Variants in DNAH5 observed in about 807,000 individuals in gnomAD.
DNAH5 encodes the protein axonemal beta dynein heavy chain 5.
Under a neutral mutation model 518.2 loss-of-function variants are expected in DNAH5, and 372 were observed. The observed-to-expected ratio is 0.72, with a 90% CI of 0.66 to 0.78. DNAH5 has a LOEUF of 0.78. Among genes scored for constraint, DNAH5 ranks in the 30% least tolerant of loss-of-function variants. The pLI, the probability that DNAH5 is intolerant of heterozygous loss-of-function variation, is 0.00. For synonymous variants in DNAH5, 2,039 were observed against 2,025.9 expected (o/e 1.01, Z -0.17); for missense variants, 5,523 against 5,687.0 (o/e 0.97, Z 0.93).
chr5:13,737,461 T>C lies in DNAH5; in HGVS notation c.11246A>G (p.Asp3749Gly), dbSNP rs34447134. 2 of 1,614,112 alleles carry C rather than the reference T, an allele frequency of 1.2e-6. No homozygotes were observed. Among genetic ancestry groups the C allele is most frequent in the Non-Finnish European group, 1.7e-6 (2 of 1,179,948 alleles). Residue 3749 changes from aspartate to glycine, a missense_variant, in exon 66 of 79, where the codon GAT becomes GGT. Coordinates refer to ENST00000265104, the MANE Select transcript of DNAH5 (RefSeq NM_001369.3). ...LEKERTHLME[D>G]VTANKRRMKE... The stretch of plus-strand genomic sequence containing the variant: ...CATCCTTCTTTTGTTTGCAGTTACA[T>C]CTTCCATCAGATGAGTTCTTTCTTT...
chr5:13,884,697 C>T (rs1206606456), intron 19 of DNAH5, among the ~76,000 whole-genome samples: 6 of 152,136 alleles, frequency 3.9e-5, no homozygotes, highest in Non-Finnish European at 5.9e-5. Flanking sequence ...ATTAGCCAGG[C>T]GTGGCGGCGT....
intron 78 of DNAH5, among the ~76,000 whole-genome samples, chr5:13,695,695 T>G (rs969461067): frequency 3.3e-5 from 5 of 152,172 alleles, no homozygotes; most frequent in Non-Finnish European, 7.3e-5. Context: ...GACAGAGTTG[T>G]TGTAAAGATT....
chr5:13,774,859 T>C (rs570108556), intron 55 of DNAH5, among the ~76,000 whole-genome samples: 2 of 152,306 alleles, frequency 1.3e-5, no homozygotes, highest in Admixed American at 6.5e-5. Flanking sequence ...GAGCTTCATA[T>C]GTAAATCATC....
At chr5:13,954,756 T>C (rs191330238) in intron 1 of DNAH5, among the ~76,000 whole-genome samples, 8 of 152,326 alleles carry the variant, frequency 5.3e-5, no homozygotes, top group Admixed American at 5.2e-4. Flanking sequence ...CCCATTAAAC[T>C]GCCCCAGCGT....
chr5:13,719,261 C>T (rs528632516), intron 71 of DNAH5, among the ~76,000 whole-genome samples, 160 bp from the exon 72 acceptor site: 5 of 152,072 alleles, frequency 3.3e-5, no homozygotes, highest in East Asian at 1.9e-4. Context: ...TGTTTAATTG[C>T]GATAAGCTAT....
rs35310788 is a variant in DNAH5, at chr5:13,922,727, CAA to C, written c.439-401_439-400del. Among the ~76,000 whole-genome samples, 248 of 94,394 alleles carry C rather than the reference CAA, an allele frequency of 2.6e-3. 2 individuals are homozygous for C. Among genetic ancestry groups the C allele is most frequent in the East Asian group, 5.8e-3 (19 of 3,270 alleles). 61.9% of individuals were successfully genotyped at this position (94,394 alleles called of 152,430 possible). ...TGGGTGACAGAGCAAGACCCTGTCTCAAAAAAAAAAAAAAAAAAAAATCAGTT... is the reference window on the plus strand; with the variant it reads ...TGGGTGACAGAGCAAGACCCTGTCTCAAAAAAAAAAAAAAAAAAATCAGTT... On this transcript the variant is annotated intron_variant, in intron 4 of 78. Transcript: ENST00000265104.
rs1409986624 is a variant in DNAH5, at chr5:13,810,105, T to TGGC, written c.7560_7562dup (p.Pro2521dup). 1 of 1,551,514 alleles carries TGGC rather than the reference T, an allele frequency of 6.4e-7. No individual in the cohort carries two copies. The highest frequency in any genetic ancestry group is 8.7e-7 in the Non-Finnish European group (1 of 1,147,888). ...CGAAGGCGGTGTCCCCGGGCCCCGC[T>TGGC]GGCGGCGGCAGCTCCAGCGTCCCTG... On this transcript the variant is annotated inframe_insertion, in exon 45 of 79. Transcript: ENST00000265104.
intron 1 of DNAH5, among the ~76,000 whole-genome samples, chr5:13,991,940 A>G (rs575624607): frequency 1.3e-5 from 2 of 152,224 alleles, no homozygotes; most frequent in Non-Finnish European, 2.9e-5. Context: ...ATCTCTAACA[A>G]GCATGAAGCA....
chr5:13,951,321 A>G (rs1030095621), intron 1 of DNAH5, among the ~76,000 whole-genome samples: 1 of 142,600 alleles, frequency 7.0e-6, no homozygotes, highest in South Asian at 2.2e-4. Flanking sequence ...GGCTCCAGCA[A>G]TCCTCCCACC....
At chr5:13,813,823 T>C (rs1580381384) in intron 43 of DNAH5, among the ~76,000 whole-genome samples, 1 of 152,298 alleles carries the variant, frequency 6.6e-6, no homozygotes, top group African/African-American at 2.4e-5. Flanking sequence ...AGTTTGAAAA[T>C]GTAATGATAT....
At chr5:13,927,424 C>T (rs1580929616) in intron 3 of DNAH5, among the ~76,000 whole-genome samples, 1 of 152,226 alleles carries the variant, frequency 6.6e-6, no homozygotes, top group Middle Eastern at 3.4e-3. Flanking sequence ...AGGAGAATTG[C>T]TTGAACCCCG....
intron 50 of DNAH5, among the ~76,000 whole-genome samples, chr5:13,790,031 A>G (rs370620911): frequency 8.5e-5 from 13 of 152,352 alleles, no homozygotes; most frequent in Non-Finnish European, 1.3e-4. Flanking sequence ...AAAGGCTATT[A>G]TTAAAAAGTC....
intron 75 of DNAH5, among the ~76,000 whole-genome samples, chr5:13,713,107 G>GTGTATGTATA (rs70962100): frequency 7.1e-6 from 1 of 139,924 alleles, no homozygotes; most frequent in Admixed American, 7.3e-5. Context: ...GTGTGTGTGT[G>GTGTATGTATA]TATATATATA....
At chr5:13,859,792 T>C (rs1379280182) in intron 29 of DNAH5, among the ~76,000 whole-genome samples, 187 bp from the exon 30 acceptor site, 1 of 152,200 alleles carries the variant, frequency 6.6e-6, no homozygotes, top group Non-Finnish European at 1.5e-5. Context: ...TTAGTCTAGC[T>C]TTTTCCCTTT....
rs758324905 is a variant in DNAH5 at position 13,780,953 on chromosome 5, G to A, written c.8827C>T (p.Arg2943Cys). The change falls in exon 53 of 79, where the codon CGT (arginine) becomes TGT (cysteine). Residue 2943 changes from arginine to cysteine, a missense_variant. Arg to Cys is a radical substitution (Grantham distance 180). Coordinates refer to ENST00000265104, the MANE Select transcript of DNAH5 (RefSeq NM_001369.3). ...TTTCCCTGAGGAGTACGAATGACAC[G>A]AGAGATCTGTAATATGGAACAGAAA... ...DAMVHLVKISRVIRTPQGNAL... is the reference protein window; with the variant it reads ...DAMVHLVKISCVIRTPQGNAL... The A allele has an allele frequency of 9.3e-6, 15 of 1,613,496 alleles. No individual in the cohort carries two copies. The highest frequency in any genetic ancestry group is 4.5e-5 in the East Asian group (2 of 44,840).
At chr5:13,748,175 G>C (rs950182229) in intron 65 of DNAH5, among the ~76,000 whole-genome samples, 1 of 152,180 alleles carries the variant, frequency 6.6e-6, no homozygotes, top group African/African-American at 2.4e-5. Flanking sequence ...GTTTGTCAAA[G>C]ATCAGATAGT....
upstream of DNAH5, among the ~76,000 whole-genome samples, chr5:13,947,785 C>T (rs1780045907): frequency 6.6e-6 from 1 of 152,142 alleles, no homozygotes; most frequent in Non-Finnish European, 1.5e-5. Context: ...AGTTTAATAG[C>T]CTTGTAAACA....
intron 1 of DNAH5, among the ~76,000 whole-genome samples, chr5:13,954,623 G>A (rs951503761): frequency 6.6e-6 from 1 of 152,202 alleles, no homozygotes; most frequent in Non-Finnish European, 1.5e-5. Flanking sequence ...GCGAGAGCAG[G>A]CCAGGGAAAG....
intron 1 of DNAH5, among the ~76,000 whole-genome samples, chr5:13,962,920 C>A (rs1781279453): frequency 6.6e-6 from 1 of 152,136 alleles, no homozygotes; most frequent in Non-Finnish European, 1.5e-5. Context: ...CTCGGCCAGC[C>A]TCACAGGTAA....
Sources: allele counts gnomAD v4.1 joint callset (sites outside exome capture counted in the v4.1 genomes callset), GRCh38; gene constraint gnomAD v4.1.1; transcripts MANE v1.5; gene names NCBI Gene and HGNC (gene_info 2026-07-23, HGNC 2026-07-21).